TMPRSS2: variants seen among roughly 807,000 people sequenced by gnomAD.
TMPRSS2 encodes transmembrane protease serine 2.
TMPRSS2 carries 59 observed loss-of-function variants against 67.4 expected under a neutral mutation model. The observed-to-expected ratio is 0.88, with a 90% CI of 0.71 to 1.09. The LOEUF (loss-of-function observed/expected upper bound fraction) is 1.09, where lower values mean the gene tolerates loss of function less well. Ranked by LOEUF, TMPRSS2 falls within the 50% of genes least tolerant of loss-of-function variation. The pLI, the probability that TMPRSS2 is intolerant of heterozygous loss-of-function variation, is 0.00. For synonymous variants in TMPRSS2, 257 were observed against 257.0 expected, an observed-to-expected ratio of 1.00 and a Z score of 0.00; for missense variants, 668 against 642.7, an observed-to-expected ratio of 1.04 and a Z score of -0.43.
At chr21:41,492,761 T>C (rs571211518) in intron 3 of TMPRSS2, among the ~76,000 whole-genome samples, 103 of 152,328 alleles carry the variant, frequency 6.8e-4, no homozygotes, top group Admixed American at 1.4e-3. Context: ...CCAGGAAACG[T>C]GGAAATGTGT....
At chr21:41,502,727 T>A (rs1180390015) in intron 1 of TMPRSS2, among the ~76,000 whole-genome samples, 1 of 152,172 alleles carries the variant, frequency 6.6e-6, no homozygotes, top group Non-Finnish European at 1.5e-5. Context: ...GCATACACAA[T>A]GATTGGCACA....
chr21:41,496,484 T>C (rs144276163), intron 2 of TMPRSS2, among the ~76,000 whole-genome samples: 1 of 152,224 alleles, frequency 6.6e-6, no homozygotes, highest in Non-Finnish European at 1.5e-5. Context: ...TTAAATGAAA[T>C]TTCTGGGTCA....
chr21:41,471,720 C>A, intron 10 of TMPRSS2, 86 bp downstream of exon 10: 1 of 1,451,122 alleles, frequency 6.9e-7, no homozygotes, highest in Non-Finnish European at 9.3e-7. Flanking sequence ...TGCCTCCCTT[C>A]CATTTGGCAT....
rs142750000 is a variant in TMPRSS2 at position 41,467,734 on chromosome 21, C to T, written c.1467G>A (p.Arg489=). 8,096 of 1,614,000 alleles carry T rather than the reference C, an allele frequency of 5.0e-3. 19 individuals are homozygous for T. The highest frequency in any genetic ancestry group is 6.5e-3 in the Non-Finnish European group (7,642 of 1,179,940). The change falls in exon 13 of 14, where the codon AGG becomes AGA. Residue 489 remains arginine, a splice_region_variant and synonymous_variant. Transcript: ENST00000332149. ...GTCAGAAGGAGGACAGGATAGTTAC[C>T]CTCATTTGTCGATAAATCCAGTCCG... is the stretch of plus-strand genomic sequence containing the variant. The part of the protein sequence containing the change: ...VFTDWIYRQM[R]ADG
intron 3 of TMPRSS2, among the ~76,000 whole-genome samples, chr21:41,490,146 C>CAA (rs56730161): frequency 0.14 from 13,707 of 95,006 alleles, 792 homozygotes; most frequent in East Asian, 0.19. Flanking sequence ...AAAACTCTGT[C>CAA]AAAAAAAAAA....
At chr21:41,502,191 G>A (rs1321361950) in intron 1 of TMPRSS2, among the ~76,000 whole-genome samples, 2 of 152,210 alleles carry the variant, frequency 1.3e-5, no homozygotes, top group Non-Finnish European at 2.9e-5. Flanking sequence ...CCCATGACAT[G>A]ATGAAGTTAC....
chr21:41,504,682 G>A (rs1285257173), intron 1 of TMPRSS2, among the ~76,000 whole-genome samples: 2 of 152,072 alleles, frequency 1.3e-5, no homozygotes, highest in African/African-American at 4.8e-5. Context: ...CCACAGGCTC[G>A]GTGGGGCCAA....
chr21:41,479,630 G>C (rs1387870147), intron 6 of TMPRSS2, among the ~76,000 whole-genome samples: 1 of 16,158 alleles, frequency 6.2e-5, no homozygotes, highest in African/African-American at 4.2e-4. Flanking sequence ...CAGGTTCCTG[G>C]ACTGTGATGG....
At chr21:41,495,206 T>C (rs2091372333) in intron 2 of TMPRSS2, among the ~76,000 whole-genome samples, 1 of 152,246 alleles carries the variant, frequency 6.6e-6, no homozygotes, top group South Asian at 2.1e-4. Flanking sequence ...TGTTTTGGTT[T>C]GGTTTTACTA....
rs2091077333 is a variant in TMPRSS2 at position 41,465,622 on chromosome 21, T to C, written c.*520A>G. The C allele has an allele frequency of 4.2e-6, 1 of 236,780 alleles. No homozygotes were observed. The highest frequency in any genetic ancestry group is 2.2e-5 in the African/African-American group (1 of 45,434). The allele number at this position is 236,780 out of a possible 1,614,324, so 14.7% of individuals were successfully genotyped here. On this transcript the variant is annotated 3_prime_UTR_variant, in exon 14 of 14. Coordinates refer to ENST00000332149, the MANE Select transcript of TMPRSS2 (RefSeq NM_005656.4). ...CACCCATGAAGGGCTGGTCCCTTTA[T>C]TTCTGGCCACCATCCAGGGCTGCTA...
At chr21:41,477,759 C>T (rs1252891584) in intron 7 of TMPRSS2, among the ~76,000 whole-genome samples, 1 of 152,072 alleles carries the variant, frequency 6.6e-6, no homozygotes, top group Non-Finnish European at 1.5e-5. Context: ...TAGGGATAGC[C>T]CTGTGTGGTC....
intron 6 of TMPRSS2, 131 bp downstream of exon 6, chr21:41,480,345 C>T (rs2091247310): frequency 1.4e-6 from 2 of 1,445,186 alleles, no homozygotes; most frequent in Non-Finnish European, 1.8e-6. Flanking sequence ...GGTTATAGGG[C>T]TCAGCTTTTG....
At chr21:41,470,209 A>G (rs2091119727) in intron 11 of TMPRSS2, among the ~76,000 whole-genome samples, 2 of 152,142 alleles carry the variant, frequency 1.3e-5, no homozygotes, top group South Asian at 2.1e-4. Flanking sequence ...AAGTGGGTGG[A>G]GAGAGCCTCT....
chr21:41,476,830 C>T (rs1569015311), intron 7 of TMPRSS2, among the ~76,000 whole-genome samples: 1 of 152,180 alleles, frequency 6.6e-6, no homozygotes, highest in Non-Finnish European at 1.5e-5. Context: ...CGGCTCACAT[C>T]CCCACAGTGT....
At chr21:41,492,760 G>A (rs551122576) in intron 3 of TMPRSS2, among the ~76,000 whole-genome samples, 9 of 152,160 alleles carry the variant, frequency 5.9e-5, no homozygotes, top group South Asian at 2.1e-4. Context: ...CCCAGGAAAC[G>A]TGGAAATGTG....
At chr21:41,472,203 G>C (rs7364088) in intron 9 of TMPRSS2, among the ~76,000 whole-genome samples, 1 of 149,036 alleles carries the variant, frequency 6.7e-6, no homozygotes. Context: ...CTTCTTTCTG[G>C]CTCTTGCATC....
intron 5 of TMPRSS2, among the ~76,000 whole-genome samples, chr21:41,483,637 G>T (rs9977234): frequency 0.2 from 29,990 of 151,872 alleles, 3,289 homozygotes; most frequent in Middle Eastern, 0.31. Context: ...TGCCACTGTG[G>T]CTCAAAGGGA....
intron 7 of TMPRSS2, 102 bp downstream of exon 7, chr21:41,479,070 G>T: frequency 1.1e-6 from 1 of 893,952 alleles, no homozygotes; most frequent in Non-Finnish European, 1.8e-6. Flanking sequence ...CATCCAGACC[G>T]AGTATTGCAG....
At chr21:41,468,374 T>C (rs1335396105) in intron 12 of TMPRSS2, 22 bp downstream of exon 12, 19 of 1,613,498 alleles carry the variant, frequency 1.2e-5, no homozygotes, top group African/African-American at 1.1e-4. Context: ...GGACCAAAGG[T>C]AGAATAAAAA....
Sources: allele counts gnomAD v4.1 joint callset (sites outside exome capture counted in the v4.1 genomes callset), GRCh38; gene constraint gnomAD v4.1.1; transcripts MANE v1.5; gene names NCBI Gene and HGNC (gene_info 2026-07-23, HGNC 2026-07-21).